The following MGST1 variants were observed in gnomAD, a reference collection of about 807,000 sequenced individuals.
MGST1 encodes the protein glutathione S-transferase 12.
MGST1 carries 5 observed loss-of-function variants against 8.9 expected under a neutral mutation model. The ratio of observed to expected loss-of-function variants is 0.56; its 90% CI spans 0.29 to 1.19. The LOEUF is 1.19. Ranked by LOEUF, MGST1 falls within the 50% of genes most tolerant of loss-of-function variation. The pLI, the probability that MGST1 is intolerant of heterozygous loss-of-function variation, is 0.08. For synonymous variants in MGST1, 54 were observed against 67.8 expected (o/e 0.80, Z 1.00); for missense variants, 182 against 187.4 (o/e 0.97, Z 0.17).
chr12:16,529,991 C>A (rs1941712362), intron 4 of MGST1, among the ~76,000 whole-genome samples: 1 of 152,086 alleles, frequency 6.6e-6, no homozygotes, highest in Admixed American at 6.6e-5. Flanking sequence ...ATAGCAAAAA[C>A]ACTCAAAGCA....
rs528988511 is a variant in MGST1, at chr12:16,522,531, A to T, written n.483-66997A>T. 9.9e-5 allele frequency among the ~76,000 whole-genome samples: 15 copies of T among 152,032 alleles called. No homozygotes were observed. In the East Asian group the frequency reaches 1.6e-3, roughly 16 times the overall value. On this transcript the variant is annotated intron_variant and non_coding_transcript_variant, in intron 4 of 4. Coordinates refer to the MGST1 transcript ENST00000538857. ...CATAGATCAGTTCACCTCTAGGGAA[A>T]TCATTACTTGCCATCATTATTATCC... is the stretch of plus-strand genomic sequence containing the variant.
At chr12:16,552,932 G>A (rs563243648) in intron 4 of MGST1, among the ~76,000 whole-genome samples, 1 of 143,286 alleles carries the variant, frequency 7.0e-6, no homozygotes, top group African/African-American at 2.4e-5. Flanking sequence ...AACCAGTAGG[G>A]TCCAAACTCT....
At chr12:16,490,525 A>G (rs1941432040) in intron 4 of MGST1, among the ~76,000 whole-genome samples, 1 of 152,218 alleles carries the variant, frequency 6.6e-6, no homozygotes, top group Admixed American at 6.5e-5. Flanking sequence ...GCTGACTGCT[A>G]TACTAACTAA....
At chr12:16,424,333 T>C (rs1052490734) in intron 1 of MGST1, among the ~76,000 whole-genome samples, 2 of 152,146 alleles carry the variant, frequency 1.3e-5, no homozygotes, top group Non-Finnish European at 2.9e-5. Flanking sequence ...ACAGACAATA[T>C]TTTCAATTCA....
chr12:16,548,185 C>T lies in MGST1; in HGVS notation n.483-41343C>T, dbSNP rs779746974. 7.2e-5 allele frequency among the ~76,000 whole-genome samples: 11 copies of T among 152,074 alleles called. No homozygotes were observed. The highest frequency in any genetic ancestry group is 1.3e-4 in the Non-Finnish European group (9 of 68,004). ...TTATTTTCCCCATAAAAATAAATAGCGGTAAACGACCTAGCGCAGAGATCC... is the reference window on the plus strand; with the variant it reads ...TTATTTTCCCCATAAAAATAAATAGTGGTAAACGACCTAGCGCAGAGATCC... On this transcript the variant is annotated intron_variant and non_coding_transcript_variant, in intron 4 of 4. Coordinates refer to the MGST1 transcript ENST00000538857. The surrounding 1 kb of genome is among the most constrained non-coding windows in gnomAD (Gnocchi z 4.2).
intron 1 of MGST1, among the ~76,000 whole-genome samples, chr12:16,414,670 C>T (rs1940771198): frequency 6.6e-6 from 1 of 152,066 alleles, no homozygotes; most frequent in Non-Finnish European, 1.5e-5. Flanking sequence ...CCACCTTGGC[C>T]TCCCAAGCTG....
intron 1 of MGST1, chr12:16,348,904 A>G (rs1292185756): frequency 6.6e-6 from 1 of 151,714 alleles, no homozygotes; most frequent in Non-Finnish European, 1.5e-5. Flanking sequence ...AGTGGTGTCT[A>G]TGAATCCCTG....
chr12:16,450,844 G>A lies in MGST1; in HGVS notation n.482+67240G>A, dbSNP rs1471110684. On this transcript the variant is annotated intron_variant and non_coding_transcript_variant, in intron 4 of 4. Coordinates refer to the MGST1 transcript ENST00000538857. ...GTTTTCAAATATATATATTCCGTGT[G>A]TGTGTGTGTGTGTGTGTGTGTGTGT... Among the ~76,000 whole-genome samples, 3 of 7,642 alleles carry A rather than the reference G, an allele frequency of 3.9e-4. No individual in the cohort carries two copies. The Non-Finnish European group carries it at 4.2e-3, about 11-fold the overall frequency. The allele number at this position is 7,642 out of a possible 152,430, so 5.0% of individuals were successfully genotyped here. A position where few individuals can be genotyped will look rare whatever the true frequency, so the allele number is the denominator to read the frequency against.
rs1555104768 is a variant in MGST1 at position 16,454,902 on chromosome 12, A to AAAAAAAAAG, written n.482+71300_482+71301insAAAAAAGAA. Among the ~76,000 whole-genome samples, 186 of 125,976 alleles carry AAAAAAAAAG rather than the reference A, an allele frequency of 1.5e-3. 24 individuals are homozygous for AAAAAAAAAG. Among genetic ancestry groups the AAAAAAAAAG allele is most frequent in the African/African-American group, 5.5e-3 (171 of 30,910 alleles). 82.6% of individuals were successfully genotyped at this position (125,976 alleles called of 152,430 possible). A position where few individuals can be genotyped will look rare whatever the true frequency, so the allele number is the denominator to read the frequency against. On this transcript the variant is annotated intron_variant and non_coding_transcript_variant, in intron 4 of 4. Transcript: ENST00000538857. Reference sequence around the variant, plus strand: ...AAAAAAAAAAAAAAAAAAAAAAAAAAAAGGAGATGGGAAGATTTGAGGAGA... The same window carrying AAAAAAAAAG: ...AAAAAAAAAAAAAAAAAAAAAAAAAAAAAAAAAAGAAGGAGATGGGAAGATTTGAGGAGA...
downstream of MGST1, among the ~76,000 whole-genome samples, chr12:16,590,625 T>C (rs1198926069): frequency 1.3e-5 from 2 of 152,006 alleles, no homozygotes; most frequent in Non-Finnish European, 2.9e-5. Flanking sequence ...TCGGTATCAT[T>C]GTGATCAGGA....
At chr12:16,467,974 A>G (rs965437547) in intron 4 of MGST1, among the ~76,000 whole-genome samples, 4 of 152,186 alleles carry the variant, frequency 2.6e-5, no homozygotes, top group Admixed American at 2.0e-4. Context: ...TGTGAAACCA[A>G]CTGTTGAGGC....
At chr12:16,426,337 C>G (rs1271110857) in intron 1 of MGST1, among the ~76,000 whole-genome samples, 2 of 152,174 alleles carry the variant, frequency 1.3e-5, no homozygotes, top group Non-Finnish European at 2.9e-5. Flanking sequence ...CTGCACTTTT[C>G]TGAGTCAGAA....
intron 1 of MGST1, among the ~76,000 whole-genome samples, chr12:16,390,225 A>G (rs1940539518): frequency 6.6e-6 from 1 of 152,228 alleles, no homozygotes; most frequent in Non-Finnish European, 1.5e-5. Context: ...AATTTAAAAT[A>G]TTAAACTGGG....
intron 4 of MGST1, among the ~76,000 whole-genome samples, chr12:16,565,983 CATATATATATATATATATAT>C (rs61358392): frequency 0.02 from 883 of 43,836 alleles, 27 homozygotes; most frequent in African/African-American, 0.032. Flanking sequence ...GAAAATGTGC[CATATATATATATATATATAT>C]ATATATATAT....
At chr12:16,376,133 C>T in exon 4 of MGST1, 1 of 1,313,236 alleles carries the variant, frequency 7.6e-7, no homozygotes, top group Non-Finnish European at 1.0e-6. Context: ...ATCAAACAAA[C>T]CCTGAGCATT....
rs548544686 is a variant in MGST1 at position 16,384,970 on chromosome 12, T to C, written n.778+1366T>C. Among the ~76,000 whole-genome samples the C allele has an allele frequency of 9.1e-4, 138 of 152,246 alleles. 1 individual carries two copies. The highest frequency in any genetic ancestry group is 2.1e-3 in the Admixed American group (32 of 15,296). ...ACAGCAGAGACTATAGGTGGAGTTGTAGAGTAACGGTAGAGGCCAAAGAAG... is the reference window on the plus strand; with the variant it reads ...ACAGCAGAGACTATAGGTGGAGTTGCAGAGTAACGGTAGAGGCCAAAGAAG... On this transcript the variant is annotated intron_variant and non_coding_transcript_variant, in intron 1 of 1. Transcript: ENST00000359720.
At chr12:16,541,785 C>CT (rs1376414563) in intron 4 of MGST1, among the ~76,000 whole-genome samples, 3 of 152,048 alleles carry the variant, frequency 2.0e-5, no homozygotes, top group African/African-American at 7.2e-5. Context: ...AATTTCCCTT[C>CT]TTTAAATCAG....
intron 3 of MGST1, among the ~76,000 whole-genome samples, chr12:16,371,586 G>A (rs1439864875): frequency 2.0e-5 from 3 of 152,022 alleles, no homozygotes; most frequent in African/African-American, 7.2e-5. Context: ...TCAATTTGAT[G>A]ACTAGAAACA....
At chr12:16,468,485 A>G (rs1941269472) in intron 4 of MGST1, among the ~76,000 whole-genome samples, 1 of 152,160 alleles carries the variant, frequency 6.6e-6, no homozygotes, top group Non-Finnish European at 1.5e-5. Context: ...GACACTGAGT[A>G]CTCATCTTAC....
Sources: gnomAD v4.1 joint callset for allele counts (sites outside exome capture counted in the v4.1 genomes callset) on GRCh38, gnomAD v4.1.1 for gene constraint, Gnocchi (gnomAD v3.1) non-coding constraint, MANE v1.5 for transcripts, NCBI Gene and HGNC (gene_info 2026-07-23, HGNC 2026-07-21) for gene names.